Variants in EIF4G3 observed in about 807,000 individuals in gnomAD.
EIF4G3 encodes the protein eIF-4-gamma 3.
In EIF4G3, 34 loss-of-function variants were observed where a neutral mutation model predicts 186.4. The ratio of observed to expected loss-of-function variants is 0.18; its 90% confidence interval spans 0.14 to 0.24. The LOEUF is 0.24. EIF4G3 is among the 10% of genes least tolerant of loss of function. The pLI is 1.00. For synonymous variants in EIF4G3, 673 were observed against 679.5 expected, an observed-to-expected ratio of 0.99 and a Z score of 0.15; for missense variants, 1,536 against 1,948.5, an observed-to-expected ratio of 0.79 and a Z score of 3.99.
intron 34 of EIF4G3, among the ~76,000 whole-genome samples, chr1:20,813,751 C>G (rs1311154373): frequency 6.6e-6 from 1 of 150,910 alleles, no homozygotes; most frequent in African/African-American, 2.4e-5. Flanking sequence ...GAGGCTGAGG[C>G]AGGAGAATCG....
At chr1:20,816,127 C>T (rs1421907997) in intron 34 of EIF4G3, among the ~76,000 whole-genome samples, 12 of 135,480 alleles carry the variant, frequency 8.9e-5, no homozygotes, top group Admixed American at 2.2e-4. Context: ...CCCGGCCAGC[C>T]GCCCCGTCCG....
chr1:21,147,374 A>T (rs2097462902), intron 2 of EIF4G3, among the ~76,000 whole-genome samples: 1 of 151,818 alleles, frequency 6.6e-6, no homozygotes, highest in South Asian at 2.1e-4. Flanking sequence ...AGAGTCTCAC[A>T]CTGTCGCCTG....
At chr1:20,912,841 C>T (rs12726543) in intron 14 of EIF4G3, among the ~76,000 whole-genome samples, 4,174 of 152,290 alleles carry the variant, frequency 0.027, 88 homozygotes, top group Non-Finnish European at 0.038. Context: ...GAATCCTATT[C>T]TGTCCCAAAT....
At position 20,849,493 on chromosome 1, in the gene EIF4G3, C is replaced by T; in HGVS notation, c.3810G>A (p.Lys1270=). The part of the protein sequence containing the change: ...PEISAMSAHD[K]AALSEEELER... Reference sequence around the variant, plus strand: ...CCAGTTCCTCTTCTGATAATGCAGCCTTGTCATGAGCTGACATTGCTGAAA... The same window carrying T: ...CCAGTTCCTCTTCTGATAATGCAGCTTTGTCATGAGCTGACATTGCTGAAA... Residue 1270 remains lysine, a synonymous_variant, in exon 29 of 37, where the codon AAG becomes AAA. Transcript: ENST00000602326. 6.4e-7 allele frequency: 1 copy of T among 1,566,008 alleles called. No individual in the cohort carries two copies. The highest frequency in any genetic ancestry group is 8.6e-7 in the Non-Finnish European group (1 of 1,160,154).
At chr1:21,060,782 G>GAAAAAAAAAAAAAA (rs34598369) in intron 3 of EIF4G3, among the ~76,000 whole-genome samples, 3 of 117,354 alleles carry the variant, frequency 2.6e-5, no homozygotes, top group Non-Finnish European at 3.4e-5. Context: ...TGTCTCTTAA[G>GAAAAAAAAAAAAAA]AAAAAAAAAA....
At chr1:21,017,225 C>T (rs954578178) in intron 4 of EIF4G3, among the ~76,000 whole-genome samples, 3 of 152,116 alleles carry the variant, frequency 2.0e-5, no homozygotes, top group African/African-American at 7.2e-5. Context: ...AAAACAAATA[C>T]TGTTTGATTC....
chr1:20,909,120 C>G (rs562050622), intron 14 of EIF4G3, among the ~76,000 whole-genome samples: 124 of 151,924 alleles, frequency 8.2e-4, no homozygotes, highest in African/African-American at 2.8e-3. Flanking sequence ...CCACTGCACT[C>G]CAGCCTGGGC....
intron 12 of EIF4G3, among the ~76,000 whole-genome samples, chr1:20,966,046 T>C (rs915920251): frequency 6.6e-6 from 1 of 152,226 alleles, no homozygotes; most frequent in African/African-American, 2.4e-5. Context: ...CTCTGGTATC[T>C]GTGCTACAAT....
At chr1:21,076,413 C>A (rs2095589203) in intron 3 of EIF4G3, among the ~76,000 whole-genome samples, 2 of 151,924 alleles carry the variant, frequency 1.3e-5, no homozygotes, top group Admixed American at 1.3e-4. Context: ...AAAGCAAAAG[C>A]AAAGCAGCAG....
intron 2 of EIF4G3, among the ~76,000 whole-genome samples, chr1:21,169,002 A>AC (rs1423069376): frequency 1.3e-5 from 2 of 151,930 alleles, no homozygotes; most frequent in Non-Finnish European, 2.9e-5. Flanking sequence ...ACATGGCAAA[A>AC]CCCCATCTCT....
chr1:20,972,881 G>T, intron 11 of EIF4G3, 121 bp downstream of exon 11: 3 of 747,976 alleles, frequency 4.0e-6, no homozygotes, highest in South Asian at 4.2e-5. Flanking sequence ...TATAAGGGAA[G>T]AATAAAAAAA....
rs2092251393 is a variant in EIF4G3 at position 21,027,215 on chromosome 1, CAG to C, written c.-67+23649_-67+23650del. On this transcript the variant is annotated intron_variant, in intron 4 of 36. Transcript: ENST00000602326. ...ACAATTTTTTTTTTTTTTTTTGAGACAGAGTCTCGCTCTGTCGCCCAGGCTGG... is the reference window on the plus strand; with the variant it reads ...ACAATTTTTTTTTTTTTTTTTGAGACAGTCTCGCTCTGTCGCCCAGGCTGG... Among the ~76,000 whole-genome samples the C allele has an allele frequency of 4.6e-5, 6 of 130,056 alleles. No individual in the cohort carries two copies. In the South Asian group the frequency reaches 1.5e-3, roughly 32 times the overall value. The allele number at this position is 130,056 out of a possible 152,430, so 85.3% of individuals were successfully genotyped here. A position where few individuals can be genotyped will look rare whatever the true frequency, so the allele number is the denominator to read the frequency against.
At chr1:21,120,471 T>C (rs1393600573) in intron 2 of EIF4G3, among the ~76,000 whole-genome samples, 1 of 151,684 alleles carries the variant, frequency 6.6e-6, no homozygotes, top group African/African-American at 2.4e-5. Context: ...CTACTAAAAA[T>C]AGAAAAATTA....
intron 12 of EIF4G3, among the ~76,000 whole-genome samples, chr1:20,951,390 T>C (rs2096211577): frequency 6.6e-6 from 1 of 152,130 alleles, no homozygotes; most frequent in African/African-American, 2.4e-5. Context: ...ATTCCACAAT[T>C]CTAAATGAAG....
intron 2 of EIF4G3, among the ~76,000 whole-genome samples, chr1:21,133,722 G>GC (rs2097193344): frequency 6.6e-6 from 1 of 152,122 alleles, no homozygotes; most frequent in African/African-American, 2.4e-5. Context: ...GCTAATAACA[G>GC]CAACTGTTTA....
At chr1:21,127,921 T>G (rs950488655) in intron 2 of EIF4G3, among the ~76,000 whole-genome samples, 2 of 152,132 alleles carry the variant, frequency 1.3e-5, no homozygotes, top group Non-Finnish European at 2.9e-5. Flanking sequence ...AAAGTTTCAG[T>G]GGGCAGGGCA....
At chr1:20,857,521 T>C (rs1209646395) in intron 24 of EIF4G3, 24 bp from the exon 25 acceptor site, 1 of 1,577,516 alleles carries the variant, frequency 6.3e-7, no homozygotes, top group Non-Finnish European at 8.7e-7. Flanking sequence ...AGAGTGGGAG[T>C]CTCTCATCTG....
intron 4 of EIF4G3, among the ~76,000 whole-genome samples, chr1:21,028,440 A>G (rs551704299): frequency 6.6e-6 from 1 of 152,314 alleles, no homozygotes; most frequent in East Asian, 1.9e-4. Flanking sequence ...ACAAATATCT[A>G]CTTATACAAA....
At position 20,845,895 on chromosome 1, in the gene EIF4G3, G is replaced by A. The variant is rs146165867; in HGVS notation, c.3888+3520C>T. ...CTGAATCTATAAATTGCTTTGGGTC[G>A]CATAGCCATTTTCATGACAGTGATT... On this transcript the variant is annotated intron_variant, in intron 29 of 36. Coordinates refer to ENST00000602326, the MANE Select transcript of EIF4G3 (RefSeq NM_001391906.1). Among the ~76,000 whole-genome samples the A allele has an allele frequency of 2.7e-3, 408 of 152,178 alleles. 4 individuals carry two copies. The highest frequency in any genetic ancestry group is 7.9e-3 in the African/African-American group (329 of 41,538).
Sources: gnomAD v4.1 joint callset for allele counts (sites outside exome capture counted in the v4.1 genomes callset) on GRCh38, gnomAD v4.1.1 for gene constraint, MANE v1.5 for transcripts, NCBI Gene and HGNC (gene_info 2026-07-23, HGNC 2026-07-21) for gene names.